The following SDHA variants were observed in gnomAD, a reference collection of about 807,000 sequenced individuals.
SDHA encodes the protein succinate dehydrogenase [ubiquinone] flavoprotein subunit, mitochondrial.
SDHA carries 48 observed loss-of-function variants against 78.4 expected under a neutral mutation model. The ratio of observed to expected loss-of-function variants is 0.61; its 90% CI spans 0.49 to 0.78. The LOEUF is 0.78. Ranked by LOEUF, SDHA falls within the 30% of genes least tolerant of loss-of-function variation. SDHA has a pLI of 0.00. For synonymous variants in SDHA, 326 were observed against 353.9 expected (o/e 0.92, Z 0.88); for missense variants, 680 against 892.7 (o/e 0.76, Z 3.04).
At chr5:221,248 G>A (rs961095044) in intron 1 of SDHA, among the ~76,000 whole-genome samples, 1 of 152,176 alleles carries the variant, frequency 6.6e-6, no homozygotes, top group Non-Finnish European at 1.5e-5. Context: ...AGCAATTCCT[G>A]TTTCTGATAC....
the SDHA span, among the ~76,000 whole-genome samples, chr5:262,792 A>G: frequency 0.24 from 36,231 of 151,826 alleles, 6,661 homozygotes; most frequent in African/African-American, 0.52. Context: ...AAGTAATATT[A>G]GGTTGGTGCA....
intron 8 of SDHA, 135 bp from the exon 9 acceptor site, chr5:235,009 G>A: frequency 1.2e-6 from 1 of 839,724 alleles, no homozygotes; most frequent in Non-Finnish European, 2.0e-6. Flanking sequence ...TTTGATGAGA[G>A]GGTGACCATA....
intron 4 of SDHA, 149 bp downstream of exon 4, chr5:225,711 C>T (rs779223360): frequency 2.2e-6 from 3 of 1,343,120 alleles, no homozygotes; most frequent in Non-Finnish European, 3.2e-6. Context: ...CCGTTATGAA[C>T]TATGCATTAT....
Position 233,631 on chromosome 5 carries a change from G to C in SDHA, c.1050G>C (p.Glu350Asp). 6.2e-7 allele frequency: 1 copy of C among 1,614,010 alleles called. No homozygotes were observed. Among genetic ancestry groups the C allele is most frequent in the Non-Finnish European group, 8.5e-7 (1 of 1,179,900 alleles). The stretch of plus-strand genomic sequence containing the variant: ...TGGTGTCTCGGTCCATGACTCTGGA[G>C]ATCCGAGAAGGAAGGTGCGTGTGAT... ...RDVVSRSMTL[E>D]IREGRGCGPE... The change falls in exon 8 of 15, where the codon GAG becomes GAC. Residue 350 changes from glutamate to aspartate, a missense_variant. By Grantham distance (45) the Glu-to-Asp change is conservative. Coordinates refer to ENST00000264932, the MANE Select transcript of SDHA (RefSeq NM_004168.4).
intron 11 of SDHA, among the ~76,000 whole-genome samples, chr5:247,943 A>G (rs1425043751): frequency 3.3e-5 from 5 of 152,232 alleles, no homozygotes; most frequent in Non-Finnish European, 7.3e-5. Context: ...TGCAAAAGTA[A>G]AAGGGGGAAA....
the SDHA span, among the ~76,000 whole-genome samples, chr5:262,609 G>A: frequency 6.6e-5 from 10 of 152,208 alleles, no homozygotes; most frequent in Admixed American, 3.3e-4. Flanking sequence ...ACACTTGTCC[G>A]TGGAAAAAGT....
At chr5:248,376 G>A (rs570860131) in intron 11 of SDHA, among the ~76,000 whole-genome samples, 1 of 152,318 alleles carries the variant, frequency 6.6e-6, no homozygotes, top group African/African-American at 2.4e-5. Flanking sequence ...AAGAAAACCT[G>A]AGGAAAGCGG....
At chr5:220,762 G>C (rs1415611035) in intron 1 of SDHA, among the ~76,000 whole-genome samples, 1 of 151,888 alleles carries the variant, frequency 6.6e-6, no homozygotes, top group Non-Finnish European at 1.5e-5. Flanking sequence ...CTTTGGTGAT[G>C]CTCTTGAGAA....
At position 226,017 on chromosome 5, in the gene SDHA, C is replaced by T. The variant is rs2126550355; in HGVS notation, c.591C>T (p.Gly197=). ...GCTGCTGTGTGGCTGATCGGACTGG[C>T]CACTCGCTATTGCACACCTTATATG... ...HRCCCVADRT[G]HSLLHTLYGR... The change falls in exon 5 of 15, where the codon GGC becomes GGT. Residue 197 remains glycine (G), a synonymous_variant. Coordinates refer to ENST00000264932, the MANE Select transcript of SDHA (RefSeq NM_004168.4). The T allele has an allele frequency of 6.2e-7, 1 of 1,614,166 alleles. No homozygotes were observed. Among genetic ancestry groups the T allele is most frequent in the South Asian group, 1.1e-5 (1 of 91,074 alleles).
At chr5:268,040 A>G in the SDHA span, among the ~76,000 whole-genome samples, 5 of 152,210 alleles carry the variant, frequency 3.3e-5, no homozygotes, top group Non-Finnish European at 7.3e-5. Flanking sequence ...GACAGGATTC[A>G]GAGCTAGAGG....
intron 11 of SDHA, among the ~76,000 whole-genome samples, chr5:241,984 A>G (rs1382130543): frequency 1.3e-5 from 2 of 152,236 alleles, no homozygotes; most frequent in Admixed American, 1.3e-4. Context: ...CAAATCCATG[A>G]GATAGTTTAA....
At chr5:240,651 G>T (rs1471690290) in intron 11 of SDHA, among the ~76,000 whole-genome samples, 175 bp downstream of exon 11, 1 of 152,140 alleles carries the variant, frequency 6.6e-6, no homozygotes, top group East Asian at 1.9e-4. Context: ...CGTGTGTGTT[G>T]TACCCAGTAG....
intron 1 of SDHA, among the ~76,000 whole-genome samples, chr5:223,000 CA>C (rs1171962558): frequency 1.3e-5 from 2 of 152,196 alleles, no homozygotes; most frequent in African/African-American, 4.8e-5. Context: ...TCTCCTGATT[CA>C]ATGTTGAGTG....
intron 13 of SDHA, among the ~76,000 whole-genome samples, chr5:252,498 G>T (rs1321625764): frequency 6.7e-6 from 1 of 150,292 alleles, no homozygotes; most frequent in African/African-American, 2.4e-5. Flanking sequence ...CTGCCCTGTG[G>T]AGGAAATGCC....
At chr5:236,991 A>T (rs1010041345) in intron 10 of SDHA, among the ~76,000 whole-genome samples, 2 of 144,924 alleles carry the variant, frequency 1.4e-5, no homozygotes, top group Admixed American at 1.4e-4. Context: ...TTGCTTAGTG[A>T]TCATATAGAG....
At chr5:257,424 C>T (rs1278777235), downstream of SDHA, among the ~76,000 whole-genome samples, 3 of 151,142 alleles carry the variant, frequency 2.0e-5, no homozygotes, top group African/African-American at 7.4e-5. Flanking sequence ...TGAACACCAC[C>T]TGTCAGAGCA....
At chr5:220,840 T>G in intron 1 of SDHA, among the ~76,000 whole-genome samples, 1 of 128,600 alleles carries the variant, frequency 7.8e-6, no homozygotes. Flanking sequence ...TGAGACAGAG[T>G]CTCACTCTGT....
rs574108835 is a variant in SDHA at position 255,841 on chromosome 5, T to C, written c.1909-493T>C. On this transcript the variant is annotated intron_variant, in intron 14 of 14. Coordinates refer to ENST00000264932, the MANE Select transcript of SDHA (RefSeq NM_004168.4). ...ATTATGGTTTAAATTTCTTTGTATA[T>C]GTGCCTACCTTTTCCTGTGTGTGCA... is the stretch of plus-strand genomic sequence containing the variant. Among the ~76,000 whole-genome samples, 9 of 152,374 alleles carry C rather than the reference T, an allele frequency of 5.9e-5. No homozygotes were observed. In the South Asian group the frequency reaches 1.9e-3, roughly 32 times the overall value.
chr5:230,364 C>T lies in SDHA; in HGVS notation c.771-512C>T, dbSNP rs562552879. Among the ~76,000 whole-genome samples, 84 of 152,282 alleles carry T rather than the reference C, an allele frequency of 5.5e-4. 2 individuals are homozygous for T. The South Asian group carries it at 8.3e-3, about 15-fold the overall frequency. ...ATAGGGCCAGGTGTGCAGTGGCTCA[C>T]GCCTGTAATCCCGGCACTTTGGGAG... is the stretch of plus-strand genomic sequence containing the variant. On this transcript the variant is annotated intron_variant, in intron 6 of 14. Transcript: ENST00000264932.
Sources: gnomAD v4.1 joint callset for allele counts (sites outside exome capture counted in the v4.1 genomes callset) on GRCh38, gnomAD v4.1.1 for gene constraint, MANE v1.5 for transcripts, NCBI Gene and HGNC (gene_info 2026-07-23, HGNC 2026-07-21) for gene names.